FILIP1L: variants seen among roughly 807,000 people sequenced by gnomAD.
FILIP1L encodes the protein filamin A-interacting protein 1-like.
Under a neutral mutation model 96.6 loss-of-function variants are expected in FILIP1L, and 55 were observed. That is an observed-to-expected ratio of 0.57 (90% CI 0.46 to 0.71). The LOEUF (loss-of-function observed/expected upper bound fraction) is 0.71. Among genes scored for constraint, FILIP1L ranks in the 30% least tolerant of loss-of-function variants. The pLI is 0.00. For synonymous variants in FILIP1L, 467 were observed against 473.9 expected (o/e 0.99, Z 0.19); for missense variants, 1,304 against 1,321.2 (o/e 0.99, Z 0.20).
chr3:100,105,794 C>A (rs1488042205), intron 1 of FILIP1L, among the ~76,000 whole-genome samples: 1 of 152,288 alleles, frequency 6.6e-6, no homozygotes, highest in South Asian at 2.1e-4. Context: ...TCTTCCTTCT[C>A]CAAATAGCAT....
At chr3:100,027,693 C>T (rs1327760094) in intron 1 of FILIP1L, among the ~76,000 whole-genome samples, 1 of 152,160 alleles carries the variant, frequency 6.6e-6, no homozygotes, top group Non-Finnish European at 1.5e-5. Context: ...ATTTCAGCCT[C>T]CTGAGTGAAC....
intron 1 of FILIP1L, among the ~76,000 whole-genome samples, chr3:100,063,857 G>T (rs1038999183): frequency 2.0e-5 from 3 of 152,164 alleles, no homozygotes; most frequent in Non-Finnish European, 4.4e-5. Context: ...GAAATAAAGT[G>T]ATTTGTTCTG....
At chr3:99,976,002 A>G (rs781533547) in intron 1 of FILIP1L, among the ~76,000 whole-genome samples, 6 of 152,158 alleles carry the variant, frequency 3.9e-5, no homozygotes, top group Admixed American at 2.0e-4. Flanking sequence ...CTCCTGCCTC[A>G]GCCTCCCAAG....
At chr3:100,023,579 G>A (rs1576649173) in intron 1 of FILIP1L, 1 of 152,678 alleles carries the variant, frequency 6.5e-6, no homozygotes. Flanking sequence ...TTTGTAAACA[G>A]ATCTGGCTTT....
chr3:100,021,455 C>T lies in FILIP1L; in HGVS notation c.-10-90425G>A, dbSNP rs140763237. Among the ~76,000 whole-genome samples, 684 of 152,180 alleles carry T rather than the reference C, an allele frequency of 4.5e-3. 7 individuals carry two copies. Among genetic ancestry groups the T allele is most frequent in the African/African-American group, 0.016 (670 of 41,506 alleles). ...ACTTTGGGAGAGGAGGAACCCTTCCCGGAATTTCAGAAGTCTCCTTGTAGA... is the reference window on the plus strand; with the variant it reads ...ACTTTGGGAGAGGAGGAACCCTTCCTGGAATTTCAGAAGTCTCCTTGTAGA... On this transcript the variant is annotated intron_variant, in intron 1 of 5. Coordinates refer to ENST00000477258, the MANE Select transcript of FILIP1L (RefSeq NM_001387850.1).
At chr3:100,050,937 T>C (rs2107317420) in intron 1 of FILIP1L, among the ~76,000 whole-genome samples, 1 of 152,304 alleles carries the variant, frequency 6.6e-6, no homozygotes, top group Middle Eastern at 3.4e-3. Context: ...CTTCAAGAAT[T>C]TGATCCAAAA....
In FILIP1L at chr3:99,850,468, A is replaced by T. The variant is rs746186263; in HGVS notation, c.1208T>A (p.Leu403His). Reference sequence around the variant, plus strand: ...TTTACTCTGTAACGTCTCCCTTTCAAGCCTCTTATTGAGATCTCTGCACTG... The same window carrying T: ...TTTACTCTGTAACGTCTCCCTTTCATGCCTCTTATTGAGATCTCTGCACTG... ...EEQCRDLNKR[L>H]ERETLQSKDF... The change falls in exon 5 of 6, where the codon CTT becomes CAT. Residue 403 changes from leucine to histidine, a missense_variant. Leu to His is a moderately conservative substitution (Grantham distance 99). Transcript: ENST00000477258. 1 of 1,613,814 alleles carries T rather than the reference A, an allele frequency of 6.2e-7. No individual in the cohort carries two copies. The highest frequency in any genetic ancestry group is 1.3e-5 in the African/African-American group (1 of 74,876).
rs917574212 is a variant in FILIP1L at position 99,910,569 on chromosome 3, C to T, written c.605+13661G>A. ...TACCCCTTACCACTTTCCAAGGAAA[C>T]AATTTTTGTAGGTAACCTGGGGAGT... is the stretch of plus-strand genomic sequence containing the variant. On this transcript the variant is annotated intron_variant, in intron 4 of 5. Transcript: ENST00000477258. Among the ~76,000 whole-genome samples, 5 of 136,574 alleles carry T rather than the reference C, an allele frequency of 3.7e-5. 2 individuals carry two copies. Among genetic ancestry groups the T allele is most frequent in the Admixed American group, 3.1e-4 (4 of 12,842 alleles). 89.6% of individuals were successfully genotyped at this position (136,574 alleles called of 152,430 possible). A position where few individuals can be genotyped will look rare whatever the true frequency, so the allele number is the denominator to read the frequency against.
chr3:99,988,223 C>T (rs2107120712), intron 1 of FILIP1L, among the ~76,000 whole-genome samples: 1 of 151,374 alleles, frequency 6.6e-6, no homozygotes, highest in East Asian at 1.9e-4. Context: ...TTTGGCCGGG[C>T]GCAGTGCCTC....
chr3:99,878,382 G>A (rs891360623), intron 4 of FILIP1L, among the ~76,000 whole-genome samples: 15 of 152,200 alleles, frequency 9.9e-5, no homozygotes, highest in African/African-American at 3.6e-4. Flanking sequence ...AGGCTAAAGT[G>A]GCTTGACCAA....
intron 1 of FILIP1L, among the ~76,000 whole-genome samples, chr3:99,944,868 CAT>C (rs1157528623): frequency 4.6e-5 from 7 of 152,116 alleles, no homozygotes; most frequent in Admixed American, 3.9e-4. Flanking sequence ...GAGAAAAAAA[CAT>C]AGATCACCAG....
At chr3:99,949,783 T>G (rs1028428245) in intron 1 of FILIP1L, among the ~76,000 whole-genome samples, 1 of 152,214 alleles carries the variant, frequency 6.6e-6, no homozygotes. Flanking sequence ...TTTGGTCTTC[T>G]AAGTTCTGAG....
intron 1 of FILIP1L, among the ~76,000 whole-genome samples, chr3:100,076,065 T>G (rs891861113): frequency 4.6e-5 from 7 of 152,228 alleles, no homozygotes; most frequent in African/African-American, 1.7e-4. Flanking sequence ...TACATGGCTT[T>G]GGGCAGGGCT....
At chr3:99,904,614 T>C (rs1706551866) in intron 4 of FILIP1L, among the ~76,000 whole-genome samples, 1 of 152,200 alleles carries the variant, frequency 6.6e-6, no homozygotes, top group Non-Finnish European at 1.5e-5. Context: ...TTTTTTGTTT[T>C]TTTGTTTGTT....
chr3:99,853,593 A>G (rs1301687909), intron 4 of FILIP1L, among the ~76,000 whole-genome samples: 2 of 152,222 alleles, frequency 1.3e-5, no homozygotes, highest in South Asian at 2.1e-4. Flanking sequence ...GGCATGATGC[A>G]TATTTTTCAG....
At chr3:100,063,163 C>T (rs1441998142) in intron 1 of FILIP1L, among the ~76,000 whole-genome samples, 1 of 152,160 alleles carries the variant, frequency 6.6e-6, no homozygotes, top group Non-Finnish European at 1.5e-5. Context: ...TATCAGTACC[C>T]TCACCCACTA....
intron 1 of FILIP1L, among the ~76,000 whole-genome samples, chr3:99,986,970 TA>T (rs1709359631): frequency 6.6e-6 from 1 of 152,038 alleles, no homozygotes; most frequent in Non-Finnish European, 1.5e-5. Context: ...GGCTCATGCC[TA>T]TAATCCTAGC....
chr3:100,111,744 A>G (rs1396703259), intron 1 of FILIP1L, among the ~76,000 whole-genome samples: 2 of 152,190 alleles, frequency 1.3e-5, no homozygotes, highest in Admixed American at 1.3e-4. Flanking sequence ...GAAGAACCAG[A>G]TGGTATTAGT....
intron 4 of FILIP1L, among the ~76,000 whole-genome samples, chr3:99,867,340 A>G (rs113811833): frequency 0.019 from 2,917 of 152,206 alleles, 87 homozygotes; most frequent in African/African-American, 0.066. Flanking sequence ...AATACCATCC[A>G]TTTTTGCCCT....
Sources: allele counts gnomAD v4.1 joint callset (sites outside exome capture counted in the v4.1 genomes callset), GRCh38; gene constraint gnomAD v4.1.1; transcripts MANE v1.5; gene names NCBI Gene and HGNC (gene_info 2026-07-23, HGNC 2026-07-21).